TMPRSS11D: variants seen among roughly 807,000 people sequenced by gnomAD.
The protein encoded by TMPRSS11D is transmembrane protease serine 11D.
A neutral mutation model predicts 44.4 loss-of-function variants in TMPRSS11D; 32 were observed. The observed-to-expected ratio is 0.72, with a 90% confidence interval of 0.54 to 0.97. The LOEUF is 0.97. TMPRSS11D is among the 50% of genes least tolerant of loss of function. TMPRSS11D has a pLI of 0.00. For missense variants in TMPRSS11D, 446 were observed against 502.6 expected, an observed-to-expected ratio of 0.89 and a Z score of 1.08; for synonymous variants, 179 against 177.9, an observed-to-expected ratio of 1.01 and a Z score of -0.05.
In TMPRSS11D at chr4:67,874,534, T is replaced by C. The variant is rs1440045527; in HGVS notation, c.8+9392A>G. Among the ~76,000 whole-genome samples the C allele has an allele frequency of 2.0e-5, 3 of 152,166 alleles. No individual in the cohort carries two copies. In the East Asian group the frequency reaches 5.8e-4, roughly 29 times the overall value. On this transcript the variant is annotated intron_variant, in intron 1 of 9. Coordinates refer to ENST00000283916, the MANE Select transcript of TMPRSS11D (RefSeq NM_004262.3). ...CAATGTTTGATTTTACCTCTATAGA[T>C]AGACCTAAACCATAACATTGGTTAC...
intron 3 of TMPRSS11D, among the ~76,000 whole-genome samples, chr4:67,852,034 C>A (rs949306493): frequency 1.3e-5 from 2 of 152,168 alleles, no homozygotes; most frequent in African/African-American, 4.8e-5. Flanking sequence ...CCACCTCTAC[C>A]CCCTGGCTCT....
intron 9 of TMPRSS11D, among the ~76,000 whole-genome samples, chr4:67,824,768 C>T (rs1044125354): frequency 2.0e-5 from 3 of 152,026 alleles, no homozygotes; most frequent in Non-Finnish European, 4.4e-5. Flanking sequence ...AATTCTTATC[C>T]TTCTGTATAC....
At chr4:67,833,173 T>C (rs749218787) in intron 7 of TMPRSS11D, 31 bp downstream of exon 7, 2 of 1,398,150 alleles carry the variant, frequency 1.4e-6, no homozygotes, top group South Asian at 3.7e-5. Context: ...ATTCTAATTG[T>C]TCCCAGATGG....
At chr4:67,876,748 A>G (rs1362087262) in intron 1 of TMPRSS11D, among the ~76,000 whole-genome samples, 2 of 152,294 alleles carry the variant, frequency 1.3e-5, no homozygotes, top group East Asian at 1.9e-4. Flanking sequence ...TGCTCTATAG[A>G]TACAGTGCTT....
At chr4:67,851,560 T>C (rs976093837) in intron 3 of TMPRSS11D, among the ~76,000 whole-genome samples, 4 of 152,174 alleles carry the variant, frequency 2.6e-5, no homozygotes, top group Non-Finnish European at 4.4e-5. Context: ...CTGGGGAGCA[T>C]GGCTGAGGAG....
intron 1 of TMPRSS11D, among the ~76,000 whole-genome samples, chr4:67,868,667 A>G (rs184236958): frequency 1.3e-5 from 2 of 152,320 alleles, no homozygotes; most frequent in East Asian, 3.9e-4. Flanking sequence ...AAGTCTGGTC[A>G]AGATTATAGA....
rs575483919 is a variant in TMPRSS11D, at chr4:67,878,390, A to G, written c.8+5536T>C. On this transcript the variant is annotated intron_variant, in intron 1 of 9. Coordinates refer to ENST00000283916, the MANE Select transcript of TMPRSS11D (RefSeq NM_004262.3). ...CTCTACTGAGATTTCCACAGAGTAA[A>G]TGTTTTCAGTGATGGTTGTTTCCAT... Among the ~76,000 whole-genome samples the G allele has an allele frequency of 3.9e-5, 6 of 152,322 alleles. No homozygotes were observed. The South Asian group carries it at 1.2e-3, about 32-fold the overall frequency.
chr4:67,877,159 T>C (rs12651164), intron 1 of TMPRSS11D, among the ~76,000 whole-genome samples: 3 of 151,612 alleles, frequency 2.0e-5, no homozygotes, highest in African/African-American at 7.3e-5. Flanking sequence ...ATTAAAAAAA[T>C]TTTTTTTTAA....
intron 1 of TMPRSS11D, among the ~76,000 whole-genome samples, chr4:67,877,373 C>T (rs992075841): frequency 3.3e-5 from 5 of 152,130 alleles, no homozygotes; most frequent in African/African-American, 1.2e-4. Context: ...ATCCAGTACC[C>T]ACCCAGACTA....
chr4:67,863,045 T>TA (rs201997610), intron 1 of TMPRSS11D, among the ~76,000 whole-genome samples: 3 of 146,486 alleles, frequency 2.0e-5, no homozygotes, highest in South Asian at 2.1e-4. Flanking sequence ...TAAAGTATAA[T>TA]AAAAAAATAT....
chr4:67,870,389 CT>C (rs1719027246), intron 1 of TMPRSS11D, among the ~76,000 whole-genome samples: 1 of 152,220 alleles, frequency 6.6e-6, no homozygotes, highest in Non-Finnish European at 1.5e-5. Context: ...ACCTCTGGGA[CT>C]TTGTGCTTGC....
At chr4:67,830,498 A>G (rs1410519551) in intron 7 of TMPRSS11D, among the ~76,000 whole-genome samples, 1 of 152,100 alleles carries the variant, frequency 6.6e-6, no homozygotes, top group African/African-American at 2.4e-5. Flanking sequence ...TGGAGTTAAT[A>G]CAGAAAATAA....
In TMPRSS11D at chr4:67,871,583, C is replaced by A. The variant is rs1719063909; in HGVS notation, c.9-11905G>T. On this transcript the variant is annotated intron_variant, in intron 1 of 9. Coordinates refer to ENST00000283916, the MANE Select transcript of TMPRSS11D (RefSeq NM_004262.3). ...TTAATAGATGTCTGAAGACTACTTGCCATTTCTGTGAAGAATCAGTTGAAG... is the reference window on the plus strand; with the variant it reads ...TTAATAGATGTCTGAAGACTACTTGACATTTCTGTGAAGAATCAGTTGAAG... 3.9e-5 allele frequency among the ~76,000 whole-genome samples: 6 copies of A among 152,242 alleles called. No homozygotes were observed. In the South Asian group the frequency reaches 1.2e-3, roughly 32 times the overall value.
At chr4:67,868,789 G>GC (rs1407625381) in intron 1 of TMPRSS11D, among the ~76,000 whole-genome samples, 3 of 152,194 alleles carry the variant, frequency 2.0e-5, no homozygotes, top group Non-Finnish European at 4.4e-5. Flanking sequence ...TAATCTGGTG[G>GC]CCCAGTTGGG....
intron 4 of TMPRSS11D, 67 bp downstream of exon 4, chr4:67,842,491 T>C: frequency 7.8e-7 from 1 of 1,281,588 alleles, no homozygotes; most frequent in Non-Finnish European, 1.1e-6. Context: ...CTATTCATTC[T>C]GTGACAAAAA....
intron 4 of TMPRSS11D, among the ~76,000 whole-genome samples, chr4:67,839,919 G>T (rs1440301046): frequency 6.6e-6 from 1 of 151,166 alleles, no homozygotes; most frequent in Non-Finnish European, 1.5e-5. Flanking sequence ...CCATGTTGGT[G>T]TGCTGCACCC....
intron 3 of TMPRSS11D, among the ~76,000 whole-genome samples, chr4:67,844,387 C>G (rs1718308785): frequency 6.6e-6 from 1 of 151,986 alleles, no homozygotes; most frequent in South Asian, 2.1e-4. Context: ...AACCTTTGAA[C>G]AATTTTAAGA....
At chr4:67,872,316 T>C (rs1560549964) in intron 1 of TMPRSS11D, among the ~76,000 whole-genome samples, 1 of 152,182 alleles carries the variant, frequency 6.6e-6, no homozygotes, top group Non-Finnish European at 1.5e-5. Context: ...TCTTTCCTTT[T>C]TCCCCCTTTA....
intron 3 of TMPRSS11D, 28 bp downstream of exon 3, chr4:67,854,040 T>A (rs1718572155): frequency 7.8e-7 from 1 of 1,277,304 alleles, no homozygotes; most frequent in African/African-American, 1.5e-5. Flanking sequence ...TATAATGGAA[T>A]AAAGAGCAAA....
Sources: allele counts gnomAD v4.1 joint callset (sites outside exome capture counted in the v4.1 genomes callset), GRCh38; gene constraint gnomAD v4.1.1; transcripts MANE v1.5; gene names NCBI Gene and HGNC (gene_info 2026-07-23, HGNC 2026-07-21).